Variants in CPNE8 observed in about 807,000 individuals in gnomAD.
CPNE8 encodes the protein copine-8.
In CPNE8, 45 loss-of-function variants were observed where a neutral mutation model predicts 81.5. The ratio of observed to expected loss-of-function variants is 0.55; its 90% CI spans 0.44 to 0.71. CPNE8 has a LOEUF of 0.71. Ranked by LOEUF, CPNE8 falls within the 30% of genes least tolerant of loss-of-function variation. The pLI is 0.00. For missense variants in CPNE8, 594 were observed against 672.1 expected (o/e 0.88, Z 1.28); for synonymous variants, 252 against 226.3 (o/e 1.11, Z -1.02).
At chr12:38,784,656 G>A (rs1003522347) in intron 6 of CPNE8, among the ~76,000 whole-genome samples, 2 of 152,084 alleles carry the variant, frequency 1.3e-5, no homozygotes, top group Non-Finnish European at 2.9e-5. Context: ...ACACAAAGTG[G>A]CTCCAATATG....
intron 5 of CPNE8, among the ~76,000 whole-genome samples, chr12:38,834,500 A>G (rs1335101217): frequency 6.6e-6 from 1 of 152,142 alleles, no homozygotes; most frequent in Non-Finnish European, 1.5e-5. Context: ...CCAATTCATC[A>G]TCAGTCATAC....
intron 3 of CPNE8, among the ~76,000 whole-genome samples, chr12:38,864,453 A>G (rs1943887132): frequency 6.6e-6 from 1 of 152,154 alleles, no homozygotes; most frequent in South Asian, 2.1e-4. Flanking sequence ...TGCCCTAGAA[A>G]ATCCTAAAGA....
intron 18 of CPNE8, among the ~76,000 whole-genome samples, chr12:38,671,940 G>T (rs1190495979): frequency 6.6e-6 from 1 of 152,012 alleles, no homozygotes; most frequent in African/African-American, 2.4e-5. Context: ...CCAATAATAA[G>T]ATAATTATCC....
chr12:38,727,552 A>G (rs1401661677), intron 11 of CPNE8, among the ~76,000 whole-genome samples: 1 of 152,186 alleles, frequency 6.6e-6, no homozygotes, highest in Non-Finnish European at 1.5e-5. Flanking sequence ...AGCTTTCTGG[A>G]AAAGCTCCAT....
chr12:38,875,635 T>TAAAAAAA (rs1565658192), intron 1 of CPNE8, among the ~76,000 whole-genome samples: 1 of 152,168 alleles, frequency 6.6e-6, no homozygotes, highest in Non-Finnish European at 1.5e-5. Context: ...TTCTCAAAAG[T>TAAAAAAA]GATTGCCGCC....
At chr12:38,870,183 G>A (rs1031276279) in intron 3 of CPNE8, among the ~76,000 whole-genome samples, 2 of 152,242 alleles carry the variant, frequency 1.3e-5, no homozygotes, top group Non-Finnish European at 2.9e-5. Flanking sequence ...CTTTTACACT[G>A]TTGGTGGGAG....
chr12:38,725,832 G>C (rs1399259459), intron 11 of CPNE8, among the ~76,000 whole-genome samples: 1 of 26,654 alleles, frequency 3.8e-5, no homozygotes, highest in African/African-American at 4.5e-5. Context: ...CAGGGAGTTT[G>C]GGTGTTAATT....
chr12:38,721,086 T>C (rs826855), intron 13 of CPNE8: 86,410 of 152,592 alleles, frequency 0.57, 24,919 homozygotes, highest in East Asian at 0.81. Context: ...AAGTCAGTGC[T>C]GAGCCCAGGT....
At chr12:38,730,687 T>A (rs1440472882) in intron 10 of CPNE8, among the ~76,000 whole-genome samples, 1 of 151,614 alleles carries the variant, frequency 6.6e-6, no homozygotes, top group Admixed American at 6.6e-5. Context: ...TTAACTAGGA[T>A]GAAAGTTAGA....
At chr12:38,756,014 T>C (rs1177822672) in intron 10 of CPNE8, among the ~76,000 whole-genome samples, 3 of 118,572 alleles carry the variant, frequency 2.5e-5, no homozygotes, top group Non-Finnish European at 4.9e-5. Flanking sequence ...CACTCCAGCC[T>C]GGGCGACAGA....
At chr12:38,845,177 T>G (rs1021250663) in intron 4 of CPNE8, among the ~76,000 whole-genome samples, 1 of 152,098 alleles carries the variant, frequency 6.6e-6, no homozygotes, top group African/African-American at 2.4e-5. Context: ...TGCCACCCCT[T>G]ACCAATCAGA....
intron 6 of CPNE8, among the ~76,000 whole-genome samples, chr12:38,810,857 T>C (rs775274705): frequency 1.3e-5 from 2 of 152,154 alleles, no homozygotes; most frequent in Non-Finnish European, 2.9e-5. Flanking sequence ...ATGATTTCCA[T>C]GTGGCTCCCT....
intron 13 of CPNE8, among the ~76,000 whole-genome samples, chr12:38,713,623 A>AG (rs1346470064): frequency 1.4e-4 from 22 of 152,138 alleles, no homozygotes; most frequent in Admixed American, 1.4e-3. Flanking sequence ...GAAATTTGGG[A>AG]GAAAAAAAGG....
intron 1 of CPNE8, among the ~76,000 whole-genome samples, chr12:38,878,324 T>C (rs915140366): frequency 2.0e-5 from 3 of 152,180 alleles, no homozygotes; most frequent in African/African-American, 7.2e-5. Flanking sequence ...ACCTTTCTAG[T>C]AACATCACTG....
At chr12:38,817,063 C>A (rs1022673691) in intron 6 of CPNE8, among the ~76,000 whole-genome samples, 1 of 152,150 alleles carries the variant, frequency 6.6e-6, no homozygotes, top group Admixed American at 6.5e-5. Flanking sequence ...TCTAATCTCT[C>A]CCCTTCCCTT....
At chr12:38,876,540 T>C (rs1184950827) in intron 1 of CPNE8, among the ~76,000 whole-genome samples, 4 of 148,976 alleles carry the variant, frequency 2.7e-5, no homozygotes, top group Non-Finnish European at 6.0e-5. Flanking sequence ...TCATAAACTT[T>C]ACTTGTCACA....
intron 10 of CPNE8, among the ~76,000 whole-genome samples, chr12:38,758,812 T>C (rs1436345847): frequency 1.3e-5 from 2 of 152,208 alleles, no homozygotes; most frequent in Non-Finnish European, 2.9e-5. Flanking sequence ...GTAATTCTGA[T>C]CTTCAAAGCT....
chr12:38,748,378 G>A (rs892657295), intron 10 of CPNE8, among the ~76,000 whole-genome samples: 2 of 152,034 alleles, frequency 1.3e-5, no homozygotes, highest in South Asian at 2.1e-4. Flanking sequence ...TGGACATCAG[G>A]GTTGTTCTAT....
intron 19 of CPNE8, among the ~76,000 whole-genome samples, chr12:38,666,503 T>A (rs1939058862): frequency 6.6e-6 from 1 of 152,064 alleles, no homozygotes. Flanking sequence ...GCGAGTGAGG[T>A]CTTTGGAGAG....
Sources: gnomAD v4.1 joint callset for allele counts (sites outside exome capture counted in the v4.1 genomes callset) on GRCh38, gnomAD v4.1.1 for gene constraint, MANE v1.5 for transcripts, NCBI Gene and HGNC (gene_info 2026-07-23, HGNC 2026-07-21) for gene names.